Variants in OSBPL3 observed in about 807,000 individuals in gnomAD.
OSBPL3 encodes the protein oxysterol-binding protein-related protein 3.
OSBPL3 carries 65 observed loss-of-function variants against 120.1 expected under a neutral mutation model. The observed-to-expected ratio is 0.54, with a 90% CI of 0.44 to 0.67. The LOEUF is 0.67. Ranked by LOEUF, OSBPL3 falls within the 30% of genes least tolerant of loss-of-function variation. OSBPL3 has a pLI of 0.00. For synonymous variants in OSBPL3, 416 were observed against 402.6 expected (o/e 1.03, Z -0.40); for missense variants, 1,004 against 1,082.1 (o/e 0.93, Z 1.01).
Position 24,953,131 on chromosome 7 carries a change from C to T in OSBPL3, c.-150+26755G>A, listed in dbSNP as rs896036183. 1.3e-5 allele frequency among the ~76,000 whole-genome samples: 2 copies of T among 152,064 alleles called. No individual in the cohort carries two copies. The highest frequency in any genetic ancestry group is 2.9e-5 in the Non-Finnish European group (2 of 68,004). On this transcript the variant is annotated intron_variant, in intron 1 of 22. Coordinates refer to ENST00000313367, the MANE Select transcript of OSBPL3 (RefSeq NM_015550.4). This position sits in a 1 kb window ranked among gnomAD's most constrained non-coding sequence, Gnocchi z 4.3. ...CAGCCTGGACGACAGAGTGAGACCC[C>T]GTCTCTAAAAGGTAAATAAATACAT...
chr7:24,875,879 G>A (rs1003656820), intron 2 of OSBPL3, among the ~76,000 whole-genome samples: 1 of 152,066 alleles, frequency 6.6e-6, no homozygotes, highest in Non-Finnish European at 1.5e-5. Context: ...TTACGTGGAC[G>A]ACAGGGTAAG....
rs985055901 is a variant in OSBPL3, at chr7:24,817,661, G to A, written c.1949-973C>T. On this transcript the variant is annotated intron_variant, in intron 17 of 22. Coordinates refer to ENST00000313367, the MANE Select transcript of OSBPL3 (RefSeq NM_015550.4). This position sits in a 1 kb window ranked among gnomAD's most constrained non-coding sequence, Gnocchi z 4.0. ...TGGAAGCCATATGGAGAATGGAACA[G>A]GAGTAGGAGAGAGGAGAAGCAAGGC... 2.0e-5 allele frequency among the ~76,000 whole-genome samples: 3 copies of A among 152,220 alleles called. No homozygotes were observed. Among genetic ancestry groups the A allele is most frequent in the African/African-American group, 7.2e-5 (3 of 41,440 alleles).
chr7:24,976,643 T>C (rs1365281963), intron 1 of OSBPL3, among the ~76,000 whole-genome samples: 2 of 152,230 alleles, frequency 1.3e-5, no homozygotes, highest in Non-Finnish European at 2.9e-5. Context: ...CAATTATGCA[T>C]GGAAGACTTT....
intron 19 of OSBPL3, among the ~76,000 whole-genome samples, chr7:24,814,494 G>A (rs1794230028): frequency 6.6e-6 from 1 of 151,330 alleles, no homozygotes; most frequent in Non-Finnish European, 1.5e-5. Flanking sequence ...CATACCTAAT[G>A]TAACATTGAC....
In OSBPL3 at chr7:24,833,469, T is replaced by G. The variant is rs1385918471; in HGVS notation, c.1746+1017A>C. Among the ~76,000 whole-genome samples the G allele has an allele frequency of 6.6e-6, 1 of 152,234 alleles. No individual in the cohort carries two copies. Among genetic ancestry groups the G allele is most frequent in the African/African-American group, 2.4e-5 (1 of 41,462 alleles). The stretch of plus-strand genomic sequence containing the variant: ...TTAAGATTCCCCCTTAATCTTCAAA[T>G]CATTGAAGTAATGATGTTTTAATGA... On this transcript the variant is annotated intron_variant, in intron 15 of 22. Coordinates refer to ENST00000313367, the MANE Select transcript of OSBPL3 (RefSeq NM_015550.4). The surrounding 1 kb of genome is among the most constrained non-coding windows in gnomAD (Gnocchi z 4.4).
At chr7:24,882,425 A>ATT (rs1803836868) in intron 2 of OSBPL3, among the ~76,000 whole-genome samples, 1 of 152,202 alleles carries the variant, frequency 6.6e-6, no homozygotes, top group Admixed American at 6.5e-5. Context: ...TTGCTGCAAA[A>ATT]TACATGATTT....
rs192473451 is a variant in OSBPL3, at chr7:24,822,708, G to A, written c.1885-2470C>T. 3.3e-4 allele frequency among the ~76,000 whole-genome samples: 50 copies of A among 152,208 alleles called. No homozygotes were observed. Among genetic ancestry groups the A allele is most frequent in the Admixed American group, 2.5e-3 (39 of 15,300 alleles). ...TAAACACAGTATATAAAAACCATACGCCTCTTCTGTAATAATTTTAAACCC... is the reference window on the plus strand; with the variant it reads ...TAAACACAGTATATAAAAACCATACACCTCTTCTGTAATAATTTTAAACCC... On this transcript the variant is annotated intron_variant, in intron 16 of 22. Coordinates refer to ENST00000313367, the MANE Select transcript of OSBPL3 (RefSeq NM_015550.4). The surrounding 1 kb of genome is among the most constrained non-coding windows in gnomAD (Gnocchi z 5.8).
rs751802491 is a variant in OSBPL3, at chr7:24,872,099, G to A, written c.97-30C>T. The A allele has an allele frequency of 7.0e-6, 10 of 1,420,916 alleles. No homozygotes were observed. Among genetic ancestry groups the A allele is most frequent in the South Asian group, 1.2e-5 (1 of 86,282 alleles). The allele number at this position is 1,420,916 out of a possible 1,614,324, so 88.0% of individuals were successfully genotyped here. A position where few individuals can be genotyped will look rare whatever the true frequency, so the allele number is the denominator to read the frequency against. ...TCCAACAAAAGAGTTCATGTTAAAT[G>A]TCTATCTTTTTGAAAAATAATAATG... On this transcript the variant is annotated intron_variant, in intron 2 of 22. Transcript: ENST00000313367. The surrounding 1 kb of genome is among the most constrained non-coding windows in gnomAD (Gnocchi z 4.1).
intron 14 of OSBPL3, among the ~76,000 whole-genome samples, chr7:24,836,782 G>A (rs978895825): frequency 1.3e-5 from 2 of 152,168 alleles, no homozygotes; most frequent in African/African-American, 4.8e-5. Flanking sequence ...GCCACACTGT[G>A]CATCTCATGT....
At chr7:24,971,525 G>T (rs1434672826) in intron 1 of OSBPL3, among the ~76,000 whole-genome samples, 1 of 152,182 alleles carries the variant, frequency 6.6e-6, no homozygotes, top group Admixed American at 6.5e-5. Context: ...AGAGTCCAGA[G>T]AGAGGCATGT....
chr7:24,831,517 A>T lies in OSBPL3; in HGVS notation c.1747-612T>A, dbSNP rs1192305564. ...CCAAAAAAAAAATTAAAATAAAGAG[A>T]GGAAGGAAGAAAAACTTTACGTGAA... On this transcript the variant is annotated intron_variant, in intron 15 of 22. Transcript: ENST00000313367. This position sits in a 1 kb window ranked among gnomAD's most constrained non-coding sequence, Gnocchi z 4.0. 6.6e-6 allele frequency among the ~76,000 whole-genome samples: 1 copy of T among 152,134 alleles called. No homozygotes were observed. Among genetic ancestry groups the T allele is most frequent in the Non-Finnish European group, 1.5e-5 (1 of 68,020 alleles).
At chr7:24,856,934 T>C (rs1019632044) in intron 10 of OSBPL3, among the ~76,000 whole-genome samples, 4 of 152,224 alleles carry the variant, frequency 2.6e-5, no homozygotes, top group Admixed American at 6.5e-5. Context: ...TTAGATACAT[T>C]AGGTAACTTT....
intron 17 of OSBPL3, 84 bp from the exon 18 acceptor site, chr7:24,816,772 G>T: frequency 1.2e-6 from 1 of 869,098 alleles, no homozygotes; most frequent in Non-Finnish European, 2.0e-6. Context: ...ATGATCAATC[G>T]CTATATAGTA....
rs1377612580 is a variant in OSBPL3 at position 24,940,032 on chromosome 7, T to C, written c.-150+39854A>G. Among the ~76,000 whole-genome samples the C allele has an allele frequency of 6.6e-6, 1 of 151,944 alleles. No homozygotes were observed. The highest frequency in any genetic ancestry group is 6.6e-5 in the Admixed American group (1 of 15,260). Reference sequence around the variant, plus strand: ...AAAATAAATACATAAATAAATAAAGTTGGGAGAATTTCTTCCTATTGACTT... The same window carrying C: ...AAAATAAATACATAAATAAATAAAGCTGGGAGAATTTCTTCCTATTGACTT... On this transcript the variant is annotated intron_variant, in intron 1 of 22. Coordinates refer to ENST00000313367, the MANE Select transcript of OSBPL3 (RefSeq NM_015550.4). The surrounding 1 kb of genome is among the most constrained non-coding windows in gnomAD (Gnocchi z 4.4).
At position 24,833,866 on chromosome 7, in the gene OSBPL3, C is replaced by T. The variant is rs1796677094; in HGVS notation, c.1746+620G>A. On this transcript the variant is annotated intron_variant, in intron 15 of 22. Transcript: ENST00000313367. The surrounding 1 kb of genome is among the most constrained non-coding windows in gnomAD (Gnocchi z 4.4). Reference sequence around the variant, plus strand: ...GGGAAAGATGAGAAATACTTGGAAGCCCTTTTAAAAGCCAGCATGCTGTGA... The same window carrying T: ...GGGAAAGATGAGAAATACTTGGAAGTCCTTTTAAAAGCCAGCATGCTGTGA... 6.6e-6 allele frequency among the ~76,000 whole-genome samples: 1 copy of T among 152,146 alleles called. No individual in the cohort carries two copies. The highest frequency in any genetic ancestry group is 6.5e-5 in the Admixed American group (1 of 15,280).
At chr7:24,826,373 G>T (rs1187717324) in intron 16 of OSBPL3, among the ~76,000 whole-genome samples, 1 of 152,166 alleles carries the variant, frequency 6.6e-6, no homozygotes, top group African/African-American at 2.4e-5. Context: ...TTTCACAAAG[G>T]CCACACCCCT....
chr7:24,839,677 G>T (rs995056479), intron 14 of OSBPL3, among the ~76,000 whole-genome samples: 8 of 152,144 alleles, frequency 5.3e-5, no homozygotes, highest in African/African-American at 1.9e-4. Flanking sequence ...TGTCCTGAGA[G>T]AGAACATTAG....
Position 24,802,406 on chromosome 7 carries a change from T to A in OSBPL3, c.2567+1909A>T, listed in dbSNP as rs1368866244. 2.6e-5 allele frequency among the ~76,000 whole-genome samples: 4 copies of A among 152,156 alleles called. No individual in the cohort carries two copies. The highest frequency in any genetic ancestry group is 5.9e-5 in the Non-Finnish European group (4 of 68,026). On this transcript the variant is annotated intron_variant, in intron 22 of 22. Transcript: ENST00000313367. This position sits in a 1 kb window ranked among gnomAD's most constrained non-coding sequence, Gnocchi z 4.1. The stretch of plus-strand genomic sequence containing the variant: ...TCGCTCTTTCTCCAATTGAAAAAAA[T>A]TTTCCCATCTAATACTATGATCATT...
chr7:24,870,934 G>C, intron 4 of OSBPL3, 89 bp from the exon 5 acceptor site: 2 of 837,756 alleles, frequency 2.4e-6, no homozygotes, highest in Admixed American at 3.6e-5. Flanking sequence ...TCCCCTGATA[G>C]TAAAATCACA....
Sources: allele counts gnomAD v4.1 joint callset (sites outside exome capture counted in the v4.1 genomes callset), GRCh38; gene constraint gnomAD v4.1.1; non-coding constraint Gnocchi (gnomAD v3.1); transcripts MANE v1.5; gene names NCBI Gene and HGNC (gene_info 2026-07-23, HGNC 2026-07-21).